The following TTN variants were observed in gnomAD, a reference collection of about 807,000 sequenced individuals.
The protein encoded by TTN is titin.
Under a neutral mutation model 3,223.0 loss-of-function variants are expected in TTN, and 1,525 were observed. The observed-to-expected ratio is 0.47, with a 90% confidence interval of 0.45 to 0.49. The LOEUF (loss-of-function observed/expected upper bound fraction) is 0.49. Among genes scored for constraint, TTN ranks in the 20% least tolerant of loss-of-function variants. The probability of loss-of-function intolerance (pLI) is 0.00; values close to 1 mark genes in which losing one functional copy is unlikely to be tolerated. For synonymous variants in TTN, 14,094 were observed against 15,161.0 expected (o/e 0.93, Z 5.17); for missense variants, 40,786 against 43,424.0 (o/e 0.94, Z 5.40).
chr2:178,767,354 A>G (rs938324335), intron 40 of TTN, among the ~76,000 whole-genome samples: 1 of 152,236 alleles, frequency 6.6e-6, no homozygotes, highest in African/African-American at 2.4e-5. Context: ...ATTTCTAGCC[A>G]CTAAGTTCCT....
At chr2:178,581,453 A>G in intron 316 of TTN, 46 bp downstream of exon 316, 4 of 1,473,988 alleles carry the variant, frequency 2.7e-6, no homozygotes, top group South Asian at 2.7e-5. Flanking sequence ...CTCTTAGAAT[A>G]TGATTAATAG....
chr2:178,549,565 C>G lies in TTN; in HGVS notation c.92152+5G>C. ...TAGTACCGCTTAGTAAAAACGCAAA[C>G]TTACTATATTGTATTTGAGCAACCA... On this transcript the variant is annotated splice_donor_5th_base_variant and intron_variant, in intron 338 of 362. Coordinates refer to ENST00000589042, the MANE Select transcript of TTN (RefSeq NM_001267550.2). 6.2e-7 allele frequency: 1 copy of G among 1,608,190 alleles called. No individual in the cohort carries two copies. Among genetic ancestry groups the G allele is most frequent in the Non-Finnish European group, 8.5e-7 (1 of 1,175,506 alleles).
In TTN at chr2:178,599,254, G is replaced by A. The variant is rs763491342; in HGVS notation, c.56539C>T (p.Pro18847Ser). 1.3e-6 allele frequency: 2 copies of A among 1,562,562 alleles called. No homozygotes were observed. Among genetic ancestry groups the A allele is most frequent in the East Asian group, 4.5e-5 (2 of 44,206 alleles). The change falls in exon 290 of 363, where the codon CCC (proline) becomes TCC (serine). Residue 18847 changes from proline (P) to serine (S), a missense_variant. Physicochemically the swap from Pro to Ser is moderately conservative, Grantham distance 74. Coordinates refer to ENST00000589042, the MANE Select transcript of TTN (RefSeq NM_001267550.2). Reference sequence around the variant, plus strand: ...TATTCATGGCCTTCTAGCAATTTGGGAATCGTGTACGTGCACTCCTTAGGT... The same window carrying A: ...TATTCATGGCCTTCTAGCAATTTGGAAATCGTGTACGTGCACTCCTTAGGT... The part of the protein sequence containing the change: ...SEPKECTYTI[P>S]KLLEGHEYVF...
At chr2:178,743,559 G>C (rs2082881251) in intron 47 of TTN, among the ~76,000 whole-genome samples, 2 of 151,852 alleles carry the variant, frequency 1.3e-5, no homozygotes, top group African/African-American at 4.8e-5. Flanking sequence ...ATATGAATAA[G>C]AGTGTTTTTC....
intron 98 of TTN, among the ~76,000 whole-genome samples, 164 bp from the exon 99 acceptor site, chr2:178,710,020 G>A (rs181073692): frequency 5.3e-4 from 80 of 152,262 alleles, no homozygotes; most frequent in African/African-American, 1.8e-3. Context: ...CTCCTTCTAC[G>A]AGCTTATTCT....
Position 178,605,027 on chromosome 2 carries a change from G to T in TTN, c.54150C>A (p.Arg18050=). ...KGTYTVTASN[R]LGSVFRNVHV... is the part of the protein sequence containing the mutation. Reference sequence around the variant, plus strand: ...GAACATTTCGGAACACTGAGCCAAGGCGATTGGAAGCAGTAACTGTGTAAG... The same window carrying T: ...GAACATTTCGGAACACTGAGCCAAGTCGATTGGAAGCAGTAACTGTGTAAG... The change falls in exon 280 of 363, where the codon CGC becomes CGA. Residue 18050 remains arginine, a synonymous_variant. Transcript: ENST00000589042. 1 of 1,606,240 alleles carries T rather than the reference G, an allele frequency of 6.2e-7. No homozygotes were observed. Among genetic ancestry groups the T allele is most frequent in the Non-Finnish European group, 8.5e-7 (1 of 1,175,154 alleles).
At position 178,731,596 on chromosome 2, in the gene TTN, T is replaced by C; in HGVS notation, c.17183-13A>G. 1 of 1,583,304 alleles carries C rather than the reference T, an allele frequency of 6.3e-7. No individual in the cohort carries two copies. The highest frequency in any genetic ancestry group is 1.2e-5 in the South Asian group (1 of 85,924). The stretch of plus-strand genomic sequence containing the variant: ...AAGGATGGGGGTTCTAACAGAAGAA[T>C]GAATTCTCAATCAATATTATCCCTA... On this transcript the variant is annotated splice_polypyrimidine_tract_variant and intron_variant, in intron 58 of 362. Coordinates refer to ENST00000589042, the MANE Select transcript of TTN (RefSeq NM_001267550.2).
intron 43 of TTN, among the ~76,000 whole-genome samples, chr2:178,761,305 C>G (rs778702320): frequency 2.6e-5 from 4 of 152,098 alleles, no homozygotes; most frequent in African/African-American, 9.7e-5. Context: ...AAAAAGTAAA[C>G]CTGATCATGG....
intron 250 of TTN, 38 bp downstream of exon 250, chr2:178,619,581 CTG>C (rs2057959488): frequency 1.3e-6 from 2 of 1,596,372 alleles, no homozygotes; most frequent in Non-Finnish European, 1.7e-6. Context: ...AATCTAAACT[CTG>C]TGATATTGGA....
At position 178,746,110 on chromosome 2, in the gene TTN, G is replaced by A. The variant is rs753130126; in HGVS notation, c.11312-4189C>T. The A allele has an allele frequency of 6.2e-6, 10 of 1,613,134 alleles. No individual in the cohort carries two copies. In the Admixed American group the frequency reaches 1.0e-4, roughly 16 times the overall value. On this transcript the variant is annotated intron_variant, in intron 47 of 362. Transcript: ENST00000589042. ...TAAGAGTGTGACTTCCCTTCTCCTCGCTAATCACGTATTTAATATTATCTG... is the reference window on the plus strand; with the variant it reads ...TAAGAGTGTGACTTCCCTTCTCCTCACTAATCACGTATTTAATATTATCTG...
In TTN at chr2:178,740,105, G is replaced by A. The variant is rs759726422; in HGVS notation, c.13128C>T (p.Asp4376=). ...AAAGCAAGCTTTCCTTAGAAAGAAG[G>A]TCCCTTCCCTGTACCTCCTGCACTT... ...IKKVQEVQGR[D]LLSKESLLSG... The change falls in exon 48 of 363, where the codon GAC becomes GAT. Residue 4376 remains aspartate (D), a synonymous_variant. Coordinates refer to ENST00000589042, the MANE Select transcript of TTN (RefSeq NM_001267550.2). 6.2e-7 allele frequency: 1 copy of A among 1,613,774 alleles called. No homozygotes were observed. Among genetic ancestry groups the A allele is most frequent in the Non-Finnish European group, 8.5e-7 (1 of 1,179,814 alleles).
chr2:178,764,222 A>T lies in TTN; in HGVS notation c.10069T>A (p.Ser3357Thr). ...IITPLQDTVT[S>T]EGQPARFQCR... ...TGAAAACGGGCTGGCTGCCCTTCAG[A>T]AGTGACAGTGTCCTGAAGCGGGGTG... Residue 3357 changes from serine to threonine, a missense_variant, in exon 43 of 363, where the codon TCT becomes ACT. Physicochemically the swap from Ser to Thr is moderately conservative, Grantham distance 58. Coordinates refer to ENST00000589042, the MANE Select transcript of TTN (RefSeq NM_001267550.2). The T allele has an allele frequency of 1.2e-6, 2 of 1,614,112 alleles. No individual in the cohort carries two copies. The highest frequency in any genetic ancestry group is 1.7e-6 in the Non-Finnish European group (2 of 1,179,970).
rs977583042 is a variant in TTN, at chr2:178,621,961, A to G, written c.44961T>C (p.Tyr14987=). ...GCACTGCTCCCTTGGATATGATGTCATATTTTTTGCCCTTTTTAATTTCAG... is the reference window on the plus strand; with the variant it reads ...GCACTGCTCCCTTGGATATGATGTCGTATTTTTTGCCCTTTTTAATTTCAG... ...DGAEIKKGKK[Y]DIISKGAVRI... Residue 14987 remains tyrosine (Y), a synonymous_variant, in exon 244 of 363, where the codon TAT becomes TAC. Coordinates refer to ENST00000589042, the MANE Select transcript of TTN (RefSeq NM_001267550.2). The G allele has an allele frequency of 6.2e-7, 1 of 1,611,224 alleles. No homozygotes were observed. The highest frequency in any genetic ancestry group is 1.3e-5 in the African/African-American group (1 of 74,894).
chr2:178,770,716 C>T (rs768350179), intron 34 of TTN, 41 bp from the exon 35 acceptor site: 7 of 1,598,526 alleles, frequency 4.4e-6, no homozygotes, highest in Admixed American at 1.7e-5. Context: ...ATATAGATGA[C>T]ATCATCAAGG....
At chr2:178,631,413 T>A (rs947997998) in intron 236 of TTN, 113 bp from the exon 237 acceptor site, 6 of 1,167,510 alleles carry the variant, frequency 5.1e-6, no homozygotes, top group Non-Finnish European at 7.0e-6. Flanking sequence ...TAAAATTGTG[T>A]CAAGTGTTCA....
rs771279862 is a variant in TTN at position 178,589,181 on chromosome 2, G to A, written c.62544C>T (p.Asn20848=). 4 of 1,613,492 alleles carry A rather than the reference G, an allele frequency of 2.5e-6. No homozygotes were observed. In the South Asian group the frequency reaches 4.4e-5, roughly 18 times the overall value. The change falls in exon 304 of 363, where the codon AAC becomes AAT. Residue 20848 remains asparagine (N), a synonymous_variant. Coordinates refer to ENST00000589042, the MANE Select transcript of TTN (RefSeq NM_001267550.2). ...DGGKYVVTAT[N]TAGSFVAYAT... is the part of the protein sequence containing the mutation. ...CATAGGCCACAAAACTGCCAGCCGT[G>A]TTAGTTGCCGTAACTACATATTTAC...
In TTN at chr2:178,718,787, A is replaced by G; in HGVS notation, c.24413T>C (p.Phe8138Ser). Reference sequence around the variant, plus strand: ...TCCACTTTCTAATGGCTGCACCTCAAACAACTCCAGTTCTGTGACAAAATC... The same window carrying G: ...TCCACTTTCTAATGGCTGCACCTCAGACAACTCCAGTTCTGTGACAAAATC... ...LEDFVTELEL[F>S]EVQPLESGDY... The change falls in exon 84 of 363, where the codon TTT becomes TCT. Residue 8138 changes from phenylalanine to serine, a missense_variant. By Grantham distance (155) the Phe-to-Ser change is radical. Coordinates refer to ENST00000589042, the MANE Select transcript of TTN (RefSeq NM_001267550.2). 1.2e-6 allele frequency: 2 copies of G among 1,613,802 alleles called. No homozygotes were observed. Among genetic ancestry groups the G allele is most frequent in the South Asian group, 2.2e-5 (2 of 91,084 alleles).
At position 178,548,445 on chromosome 2, in the gene TTN, G is replaced by A. The variant is rs768270597; in HGVS notation, c.93181C>T (p.Arg31061Cys). Residue 31061 changes from arginine to cysteine, a missense_variant, in exon 339 of 363, where the codon CGT (arginine) becomes TGT (cysteine). Coordinates refer to ENST00000589042, the MANE Select transcript of TTN (RefSeq NM_001267550.2). The surrounding 1 kb of genome is among the most constrained non-coding windows in gnomAD (Gnocchi z 4.3). ...YVVEKREASR[R>C]SWQVISEKCT... is the part of the protein sequence containing the mutation. ...TTTTCACTGATAACCTGCCAACTAC[G>A]GCGACTTGCCTCTCGTTTCTCTACC... 6 of 1,613,692 alleles carry A rather than the reference G, an allele frequency of 3.7e-6. No individual in the cohort carries two copies. Among genetic ancestry groups the A allele is most frequent in the African/African-American group, 2.7e-5 (2 of 74,888 alleles).
chr2:178,799,527 G>T lies in TTN; in HGVS notation c.874C>A (p.Pro292Thr). ...SPSPIRHSPS[P>T]VRHVRAPTPS... ...GTCGGTGCCCGCACGTGTCTGACCG[G>T]GGAAGGGGAGTGTCTTATGGGCGAT... The change falls in exon 6 of 363, where the codon CCG (proline) becomes ACG (threonine). Residue 292 changes from proline (P) to threonine (T), a missense_variant. Transcript: ENST00000589042. 6.2e-7 allele frequency: 1 copy of T among 1,614,162 alleles called. No homozygotes were observed. The highest frequency in any genetic ancestry group is 8.5e-7 in the Non-Finnish European group (1 of 1,180,026).
Sources: allele counts gnomAD v4.1 joint callset (sites outside exome capture counted in the v4.1 genomes callset), GRCh38; gene constraint gnomAD v4.1.1; non-coding constraint Gnocchi (gnomAD v3.1); transcripts MANE v1.5; gene names NCBI Gene and HGNC (gene_info 2026-07-23, HGNC 2026-07-21).